Variants in BSPRY observed in about 807,000 individuals in gnomAD.
The protein encoded by BSPRY is B-box and SPRY domain containing.
BSPRY carries 33 observed loss-of-function variants against 38.0 expected under a neutral mutation model. The ratio of observed to expected loss-of-function variants is 0.87; its 90% CI spans 0.66 to 1.16. The LOEUF is 1.16. Ranked by LOEUF, BSPRY falls within the 50% of genes most tolerant of loss-of-function variation. The pLI, the probability that BSPRY is intolerant of heterozygous loss-of-function variation, is 0.00. For synonymous variants in BSPRY, 224 were observed against 228.5 expected, an observed-to-expected ratio of 0.98 and a Z score of 0.18; for missense variants, 523 against 533.2, an observed-to-expected ratio of 0.98 and a Z score of 0.19.
intron 4 of BSPRY, among the ~76,000 whole-genome samples, chr9:113,365,654 G>C (rs1197433700): frequency 6.6e-6 from 1 of 151,920 alleles, no homozygotes; most frequent in Non-Finnish European, 1.5e-5. Context: ...GAGCATTAAG[G>C]GTACTCAGTG....
rs770725453 is a variant in BSPRY, at chr9:113,369,635, CGATGAGAG to C, written c.705_712del (p.Glu236SerfsTer10). ...TGGCAGGCACAGAGGACATACGGATCGATGAGAGGACAGTCAGCCCCTTCCTGCAATTG... is the reference window on the plus strand; with the variant it reads ...TGGCAGGCACAGAGGACATACGGATCGACAGTCAGCCCCTTCCTGCAATTG... On this transcript the variant is annotated frameshift_variant, in exon 6 of 6. Coordinates refer to ENST00000374183, the MANE Select transcript of BSPRY (RefSeq NM_017688.3). LOFTEE classifies it high-confidence loss of function. 4.3e-6 allele frequency: 7 copies of C among 1,612,666 alleles called. No homozygotes were observed.
At chr9:113,358,470 A>G (rs1445183211) in intron 2 of BSPRY, among the ~76,000 whole-genome samples, 1 of 151,388 alleles carries the variant, frequency 6.6e-6, no homozygotes, top group East Asian at 2.0e-4. Context: ...GTTTCACCTT[A>G]TTGGCCAGGT....
intron 1 of BSPRY, 124 bp from the exon 2 acceptor site, chr9:113,354,116 T>C (rs1254783907): frequency 1.4e-6 from 1 of 701,566 alleles, no homozygotes; most frequent in African/African-American, 1.8e-5. Flanking sequence ...TTGATAATGA[T>C]GAGATCTGGG....
chr9:113,363,876 CAAAAAAAAAA>C (rs57026104), intron 4 of BSPRY, among the ~76,000 whole-genome samples: 9 of 37,568 alleles, frequency 2.4e-4, no homozygotes, highest in African/African-American at 5.1e-4. Flanking sequence ...GACTCCACCT[CAAAAAAAAAA>C]AAAAAAAAAA....
intron 2 of BSPRY, among the ~76,000 whole-genome samples, chr9:113,356,417 A>C (rs1834059611): frequency 6.6e-6 from 1 of 152,098 alleles, no homozygotes; most frequent in Non-Finnish European, 1.5e-5. Context: ...AGGCAGGAGA[A>C]TCACTTGAAC....
intron 4 of BSPRY, among the ~76,000 whole-genome samples, chr9:113,364,057 A>G (rs1459662516): frequency 6.7e-6 from 1 of 149,770 alleles, no homozygotes; most frequent in African/African-American, 2.5e-5. Flanking sequence ...GCGGTAGCGT[A>G]CCCCTGTAAT....
chr9:113,364,301 T>TAA (rs1427268342), intron 4 of BSPRY, among the ~76,000 whole-genome samples: 55 of 152,220 alleles, frequency 3.6e-4, no homozygotes, highest in Non-Finnish European at 8.8e-5. Flanking sequence ...TCACGTCACT[T>TAA]TTTTGAAAGT....
chr9:113,358,829 G>A (rs1834104567), intron 2 of BSPRY, among the ~76,000 whole-genome samples: 1 of 152,246 alleles, frequency 6.6e-6, no homozygotes, highest in Non-Finnish European at 1.5e-5. Context: ...GGTTTCAGGG[G>A]CTCACCCTGT....
intron 2 of BSPRY, among the ~76,000 whole-genome samples, chr9:113,358,177 GT>G (rs1834094312): frequency 6.6e-6 from 1 of 151,092 alleles, no homozygotes; most frequent in African/African-American, 2.4e-5. Context: ...GAGCCTAGGA[GT>G]TTGAGGCTGC....
intron 4 of BSPRY, among the ~76,000 whole-genome samples, chr9:113,362,687 T>A (rs1488676030): frequency 6.6e-6 from 1 of 152,222 alleles, no homozygotes; most frequent in Non-Finnish European, 1.5e-5. Flanking sequence ...ACCACCTCCA[T>A]GTGCAGATGA....
intron 1 of BSPRY, 51 bp downstream of exon 1, chr9:113,349,831 G>T (rs1200358692): frequency 2.5e-6 from 3 of 1,209,444 alleles, no homozygotes; most frequent in East Asian, 3.4e-5. Context: ...CCCCGGGCGC[G>T]CCTGGCGGGA....
At position 113,369,765 on chromosome 9, in the gene BSPRY, G is replaced by A. The variant is rs748843741; in HGVS notation, c.832G>A (p.Ala278Thr). The change falls in exon 6 of 6, where the codon GCC becomes ACC. Residue 278 changes from alanine (A) to threonine (T), a missense_variant. Coordinates refer to ENST00000374183, the MANE Select transcript of BSPRY (RefSeq NM_017688.3). ...CGACCACTGGCCCAATGCCCTGGCT[G>A]CCACCTCCTTCCAGAATGGGCTCCA... Reference protein sequence around the residue: ...RFDHWPNALAATSFQNGLHAW... With the variant: ...RFDHWPNALATTSFQNGLHAW... 1 of 1,614,236 alleles carries A rather than the reference G, an allele frequency of 6.2e-7. No homozygotes were observed. The highest frequency in any genetic ancestry group is 8.5e-7 in the Non-Finnish European group (1 of 1,180,046).
chr9:113,366,357 C>T (rs942381965), intron 4 of BSPRY, among the ~76,000 whole-genome samples: 2 of 152,216 alleles, frequency 1.3e-5, no homozygotes, highest in African/African-American at 4.8e-5. Flanking sequence ...AATATACTCT[C>T]AAAGTAGTGT....
chr9:113,370,094 C>CT lies in BSPRY; in HGVS notation c.1163dup (p.Val390SerfsTer41). ...ATCATGTGTCCTTCCCGGGGCCCCT[C>CT]TTCCCAGTCTTTGCTGTGGCCGATC... On this transcript the variant is annotated frameshift_variant, in exon 6 of 6. Coordinates refer to ENST00000374183, the MANE Select transcript of BSPRY (RefSeq NM_017688.3). LOFTEE classifies it high-confidence loss of function. The surrounding 1 kb of genome is among the most constrained non-coding windows in gnomAD (Gnocchi z 4.8). 1 of 1,605,964 alleles carries CT rather than the reference C, an allele frequency of 6.2e-7. No homozygotes were observed. Among genetic ancestry groups the CT allele is most frequent in the Non-Finnish European group, 8.5e-7 (1 of 1,176,190 alleles).
rs1268761446 is a variant in BSPRY at position 113,349,732 on chromosome 9, C to T, written c.153C>T (p.Cys51=). 8.1e-7 allele frequency: 1 copy of T among 1,239,224 alleles called. No individual in the cohort carries two copies. Among genetic ancestry groups the T allele is most frequent in the Admixed American group, 4.3e-5 (1 of 23,254 alleles). The allele number at this position is 1,239,224 out of a possible 1,614,324, so 76.8% of individuals were successfully genotyped here. A position where few individuals can be genotyped will look rare whatever the true frequency, so the allele number is the denominator to read the frequency against. Residue 51 remains cysteine, a synonymous_variant, in exon 1 of 6, where the codon TGC becomes TGT. Coordinates refer to ENST00000374183, the MANE Select transcript of BSPRY (RefSeq NM_017688.3). The part of the protein sequence containing the change: ...CAACAGLGGR[C]RGHRIRRAEE... ...CCTGCGCGGGGTTGGGCGGTCGCTG[C>T]CGGGGGCACCGCATCCGCCGGGCGG...
rs1198256973 is a variant in BSPRY at position 113,360,530 on chromosome 9, A to AC, written c.325dup (p.Leu109ProfsTer50). 6 of 1,602,416 alleles carry AC rather than the reference A, an allele frequency of 3.7e-6. No individual in the cohort carries two copies. Among genetic ancestry groups the AC allele is most frequent in the Admixed American group, 1.7e-5 (1 of 57,798 alleles). ...AGAGCATGGCCAGTGCAGCGAGGGA[A>AC]CTGGTTATCCAGCGGTTGAGTCTGG... On this transcript the variant is annotated frameshift_variant, in exon 3 of 6. Coordinates refer to ENST00000374183, the MANE Select transcript of BSPRY (RefSeq NM_017688.3). LOFTEE classifies it high-confidence loss of function.
At chr9:113,355,586 G>A (rs1170098434) in intron 2 of BSPRY, among the ~76,000 whole-genome samples, 1 of 148,916 alleles carries the variant, frequency 6.7e-6, no homozygotes, top group Non-Finnish European at 1.5e-5. Context: ...TTAGTACTGT[G>A]TTAAATAGAA....
intron 3 of BSPRY, among the ~76,000 whole-genome samples, chr9:113,362,164 A>G (rs1834164103): frequency 1.4e-5 from 2 of 138,840 alleles, no homozygotes; most frequent in African/African-American, 5.4e-5. Context: ...CATTCTGAGC[A>G]TGTGTTATGG....
chr9:113,360,686 C>T lies in BSPRY; in HGVS notation c.480C>T (p.Ile160=). 3 of 1,605,720 alleles carry T rather than the reference C, an allele frequency of 1.9e-6. No individual in the cohort carries two copies. Among genetic ancestry groups the T allele is most frequent in the Non-Finnish European group, 2.5e-6 (3 of 1,177,226 alleles). ...AGGCGCTGCAGAAACTTGACACCAT[C>T]CGCACTGGCCTGGTGGGCATGCTTA... ...WAEALQKLDT[I]RTGLVGMLTH... Residue 160 remains isoleucine (I), a synonymous_variant, in exon 3 of 6, where the codon ATC becomes ATT. Transcript: ENST00000374183.
Sources: gnomAD v4.1 joint callset for allele counts (sites outside exome capture counted in the v4.1 genomes callset) on GRCh38, gnomAD v4.1.1 for gene constraint, Gnocchi (gnomAD v3.1) non-coding constraint, MANE v1.5 for transcripts, NCBI Gene and HGNC (gene_info 2026-07-23, HGNC 2026-07-21) for gene names.